PPP1R37: variants seen among roughly 807,000 people sequenced by gnomAD.
PPP1R37 encodes leucine rich repeat containing 68.
A neutral mutation model predicts 61.0 loss-of-function variants in PPP1R37; 21 were observed. That is an observed-to-expected ratio of 0.34 (90% CI 0.24 to 0.50). The LOEUF (loss-of-function observed/expected upper bound fraction) is 0.50. PPP1R37 is among the 20% of genes least tolerant of loss of function. The pLI is 0.98. For missense variants in PPP1R37, 910 were observed against 952.7 expected (o/e 0.96, Z 0.59); for synonymous variants, 443 against 433.5 (o/e 1.02, Z -0.27).
intron 1 of PPP1R37, among the ~76,000 whole-genome samples, chr19:45,135,466 C>T (rs1028575308): frequency 2.6e-5 from 4 of 152,224 alleles, no homozygotes; most frequent in South Asian, 2.1e-4. Context: ...TCTCCACAAA[C>T]GATTTAGTTC....
At position 45,144,927 on chromosome 19, in the gene PPP1R37, A is replaced by G. The variant is rs1968666024; in HGVS notation, c.1061A>G (p.Lys354Arg). 5 of 1,535,608 alleles carry G rather than the reference A, an allele frequency of 3.3e-6. No homozygotes were observed. The South Asian group carries it at 6.0e-5, about 18-fold the overall frequency. Residue 354 changes from lysine to arginine, a missense_variant, in exon 9 of 13, where the codon AAG becomes AGG. By Grantham distance (26) the Lys-to-Arg change is conservative. This residue lies in a region of PPP1R37 where 549 missense variants were observed against 505.1 expected (regional missense o/e 1.09). Coordinates refer to ENST00000221462, the MANE Select transcript of PPP1R37 (RefSeq NM_019121.2). ...PIGNEGVRHL[K>R]NGLISNRSVL... is the part of the protein sequence containing the mutation. ...GGGAACGAGGGTGTGCGGCACCTCAAGAACGGGCTCATCAGCAACCGCAGC... is the reference window on the plus strand; with the variant it reads ...GGGAACGAGGGTGTGCGGCACCTCAGGAACGGGCTCATCAGCAACCGCAGC...
intron 1 of PPP1R37, among the ~76,000 whole-genome samples, chr19:45,104,984 T>C (rs537325004): frequency 6.6e-6 from 1 of 152,336 alleles, no homozygotes; most frequent in Admixed American, 6.5e-5. Context: ...TCTGCTTATC[T>C]GCGGGCCTGC....
intron 1 of PPP1R37, among the ~76,000 whole-genome samples, chr19:45,135,625 A>G (rs1968529414): frequency 6.6e-6 from 1 of 152,214 alleles, no homozygotes; most frequent in Non-Finnish European, 1.5e-5. Flanking sequence ...CACAGAGGAC[A>G]GCTTAGGGTG....
intron 1 of PPP1R37, among the ~76,000 whole-genome samples, chr19:45,124,599 C>T (rs1404836157): frequency 6.6e-6 from 1 of 152,024 alleles, no homozygotes; most frequent in Non-Finnish European, 1.5e-5. Flanking sequence ...AGACAAGAAC[C>T]CCTGGAGGGC....
rs1472977425 is a variant in PPP1R37 at position 45,140,262 on chromosome 19, C to T, written c.327C>T (p.Leu109=). 7.2e-6 allele frequency: 11 copies of T among 1,536,090 alleles called. No homozygotes were observed. Among genetic ancestry groups the T allele is most frequent in the South Asian group, 5.9e-5 (5 of 84,066 alleles). Reference sequence around the variant, plus strand: ...AATTCACAGACCTCGGGCACCGCCTCGACTGTCTGGACCTGAAAGGTGTGT... The same window carrying T: ...AATTCACAGACCTCGGGCACCGCCTTGACTGTCTGGACCTGAAAGGTGTGT... ...LQEFTDLGHR[L]DCLDLKGEKL... The change falls in exon 3 of 13, where the codon CTC becomes CTT. Residue 109 remains leucine (L), a synonymous_variant. Transcript: ENST00000221462.
intron 1 of PPP1R37, among the ~76,000 whole-genome samples, chr19:45,094,145 G>A (rs1967961153): frequency 6.6e-6 from 1 of 152,122 alleles, no homozygotes; most frequent in Non-Finnish European, 1.5e-5. Context: ...AGGCAGTGTG[G>A]TTTTTATGTT....
Position 45,138,321 on chromosome 19 carries a change from G to T in PPP1R37, c.203-193G>T, listed in dbSNP as rs779002142. On this transcript the variant is annotated intron_variant, in intron 1 of 12. Coordinates refer to ENST00000221462, the MANE Select transcript of PPP1R37 (RefSeq NM_019121.2). ...AGGGCAGTGGTGACTTGGGGTGGGG[G>T]TGCCCAAGGGCACTTTACCTCGGGC... Among the ~76,000 whole-genome samples the T allele has an allele frequency of 3.9e-5, 6 of 152,300 alleles. No homozygotes were observed. The South Asian group carries it at 1.2e-3, about 32-fold the overall frequency.
chr19:45,133,373 C>T (rs975315940), intron 1 of PPP1R37, among the ~76,000 whole-genome samples: 4 of 152,160 alleles, frequency 2.6e-5, no homozygotes, highest in Admixed American at 6.5e-5. Context: ...CGTGAGCCAC[C>T]GCGCCCGGCC....
In PPP1R37 at chr19:45,108,304, G is replaced by T. The variant is rs562434453; in HGVS notation, c.202+14777G>T. On this transcript the variant is annotated intron_variant, in intron 1 of 12. Coordinates refer to ENST00000221462, the MANE Select transcript of PPP1R37 (RefSeq NM_019121.2). ...GGCTGACTGCAAACTCCACCTCCTA[G>T]GCTCAAGCCATTCTCCTGCCTTAGC... Among the ~76,000 whole-genome samples, 8 of 152,118 alleles carry T rather than the reference G, an allele frequency of 5.3e-5. No homozygotes were observed. In the South Asian group the frequency reaches 1.7e-3, roughly 32 times the overall value.
chr19:45,110,906 A>G (rs1175964116), intron 1 of PPP1R37, among the ~76,000 whole-genome samples: 3 of 152,204 alleles, frequency 2.0e-5, no homozygotes, highest in Non-Finnish European at 4.4e-5. Flanking sequence ...AGCCTGAGGC[A>G]GGTGGCCCGA....
At chr19:45,141,971 G>C (rs1351072417) in intron 5 of PPP1R37, 90 bp from the exon 6 acceptor site, 1 of 1,032,776 alleles carries the variant, frequency 9.7e-7, no homozygotes, top group Admixed American at 3.4e-5. Context: ...ACAGGTCCTG[G>C]GGCCAGGGAG....
chr19:45,146,241 G>A, intron 11 of PPP1R37, 149 bp from the exon 12 acceptor site: 4 of 784,932 alleles, frequency 5.1e-6, no homozygotes, highest in Admixed American at 3.0e-5. Context: ...GGGGTGGGGG[G>A]GCATGTAAGG....
At chr19:45,105,374 C>T (rs1245714992) in intron 1 of PPP1R37, among the ~76,000 whole-genome samples, 1 of 152,122 alleles carries the variant, frequency 6.6e-6, no homozygotes, top group African/African-American at 2.4e-5. Flanking sequence ...GATGCTTGCC[C>T]TCTCTGTGGG....
chr19:45,114,773 C>G (rs924230139), intron 1 of PPP1R37, among the ~76,000 whole-genome samples: 9 of 141,844 alleles, frequency 6.3e-5, no homozygotes, highest in African/African-American at 1.8e-4. Flanking sequence ...AAGTGAGACC[C>G]CCCCCCCCAT....
chr19:45,093,617 A>G (rs188378486), intron 1 of PPP1R37, 90 bp downstream of exon 1: 483 of 953,328 alleles, frequency 5.1e-4, no homozygotes, highest in Non-Finnish European at 7.0e-4. Flanking sequence ...GGTGGCGTTC[A>G]ATAGATTGCA....
rs544972439 is a variant in PPP1R37, at chr19:45,097,540, G to T, written c.202+4013G>T. Among the ~76,000 whole-genome samples the T allele has an allele frequency of 8.6e-5, 13 of 152,006 alleles. No homozygotes were observed. In the East Asian group the frequency reaches 2.5e-3, roughly 30 times the overall value. On this transcript the variant is annotated intron_variant, in intron 1 of 12. Coordinates refer to ENST00000221462, the MANE Select transcript of PPP1R37 (RefSeq NM_019121.2). The stretch of plus-strand genomic sequence containing the variant: ...GGGGGGTGTCTACCTGAGGGTGAGC[G>T]CTCCCTCAGGCCCTGCAGGGGCCCA...
rs1968686846 is a variant in PPP1R37, at chr19:45,145,774, G to A, written c.1718G>A (p.Arg573Gln). Residue 573 changes from arginine (R) to glutamine (Q), a missense_variant, in exon 11 of 13, where the codon CGG becomes CAG. Around this residue, in one of 3 missense-constraint regions of PPP1R37, gnomAD observed 549 missense variants for 505.1 expected, o/e 1.09. Coordinates refer to ENST00000221462, the MANE Select transcript of PPP1R37 (RefSeq NM_019121.2). ...GRGHKVFVVT[R>Q]VESPPERAEP... ...GGCCACAAGGTGTTTGTGGTGACCCGGGTGGAGAGCCCGCCCGAGAGGGCA... is the reference window on the plus strand; with the variant it reads ...GGCCACAAGGTGTTTGTGGTGACCCAGGTGGAGAGCCCGCCCGAGAGGGCA... 8 of 1,514,852 alleles carry A rather than the reference G, an allele frequency of 5.3e-6. No homozygotes were observed. Among genetic ancestry groups the A allele is most frequent in the Admixed American group, 2.0e-5 (1 of 49,550 alleles). 93.8% of individuals were successfully genotyped at this position (1,514,852 alleles called of 1,614,324 possible).
chr19:45,103,235 G>A (rs1482908834), intron 1 of PPP1R37, among the ~76,000 whole-genome samples: 3 of 152,202 alleles, frequency 2.0e-5, no homozygotes, highest in South Asian at 4.1e-4. Context: ...GGTACTGAGC[G>A]GTTGCCTCAA....
In PPP1R37 at chr19:45,144,663, AGACTTCAGGCACAGGAGG is replaced by A. The variant is rs374545244; in HGVS notation, c.988-180_988-163del. The A allele has an allele frequency of 4.6e-3, 2,538 of 547,422 alleles. 54 individuals are homozygous for A. Among genetic ancestry groups the A allele is most frequent in the African/African-American group, 0.044 (2,216 of 50,536 alleles). The allele number at this position is 547,422 out of a possible 1,614,324, so 33.9% of individuals were successfully genotyped here. A position where few individuals can be genotyped will look rare whatever the true frequency, so the allele number is the denominator to read the frequency against. ...TGGACGGGGGACCTGGCATTTGGGG[AGACTTCAGGCACAGGAGG>A]GACTTCAGGCCAGGCCTGCGGCAGG... On this transcript the variant is annotated intron_variant, in intron 8 of 12. Coordinates refer to ENST00000221462, the MANE Select transcript of PPP1R37 (RefSeq NM_019121.2).
Sources: gnomAD v4.1 joint callset for allele counts (sites outside exome capture counted in the v4.1 genomes callset) on GRCh38, gnomAD v4.1.1 for gene constraint, gnomAD v4.1.1 regional missense constraint, MANE v1.5 for transcripts, NCBI Gene and HGNC (gene_info 2026-07-23, HGNC 2026-07-21) for gene names.